Variants in PIGL observed in about 807,000 individuals in gnomAD.
PIGL encodes the protein N-acetylglucosaminyl-phosphatidylinositol de-N-acetylase.
In PIGL, 22 loss-of-function variants were observed where a neutral mutation model predicts 31.1. The ratio of observed to expected loss-of-function variants is 0.71; its 90% confidence interval spans 0.51 to 1.01. The LOEUF is 1.01. Ranked by LOEUF, PIGL falls within the 50% of genes least tolerant of loss-of-function variation. The pLI, the probability that PIGL is intolerant of heterozygous loss-of-function variation, is 0.00. For missense variants in PIGL, 302 were observed against 315.9 expected, an observed-to-expected ratio of 0.96 and a Z score of 0.33; for synonymous variants, 131 against 117.4, an observed-to-expected ratio of 1.12 and a Z score of -0.75.
chr17:16,284,744 A>G (rs149189941), intron 2 of PIGL, among the ~76,000 whole-genome samples: 13 of 152,242 alleles, frequency 8.5e-5, no homozygotes, highest in South Asian at 6.2e-4. Context: ...GCTTCCCCCA[A>G]CCTACCAAGT....
chr17:16,297,639 A>G (rs1470380459), intron 2 of PIGL, among the ~76,000 whole-genome samples: 2 of 152,100 alleles, frequency 1.3e-5, no homozygotes, highest in African/African-American at 4.8e-5. Flanking sequence ...TGTTTTACAC[A>G]CTATATTCAG....
chr17:16,324,636 G>C lies in PIGL; in HGVS notation c.661-1164G>C, dbSNP rs184433264. ...AGCCTCCCAAAGTGCTGGGATTACA[G>C]GCGTGAGCCTCCATACCTGGCAAGT... On this transcript the variant is annotated intron_variant, in intron 6 of 6. Transcript: ENST00000225609. 8.5e-4 allele frequency among the ~76,000 whole-genome samples: 129 copies of C among 152,320 alleles called. 2 individuals are homozygous for C. The East Asian group carries it at 0.022, about 26-fold the overall frequency.
chr17:16,232,987 G>A (rs1258539409), intron 1 of PIGL, among the ~76,000 whole-genome samples: 3 of 151,912 alleles, frequency 2.0e-5, no homozygotes, highest in East Asian at 1.9e-4. Flanking sequence ...GTGTGGTGGC[G>A]GGTGCCTGTA....
chr17:16,322,376 G>A (rs928949922), intron 6 of PIGL, among the ~76,000 whole-genome samples: 3 of 151,274 alleles, frequency 2.0e-5, no homozygotes, highest in African/African-American at 7.3e-5. Flanking sequence ...ATTACAGGCG[G>A]GAGTCACCGC....
At chr17:16,239,671 A>G (rs925314430) in intron 2 of PIGL, among the ~76,000 whole-genome samples, 2 of 152,142 alleles carry the variant, frequency 1.3e-5, no homozygotes, top group Non-Finnish European at 2.9e-5. Context: ...ACTCTAATGA[A>G]AGTATGGATT....
intron 2 of PIGL, among the ~76,000 whole-genome samples, chr17:16,239,178 A>C (rs2092712383): frequency 6.6e-6 from 1 of 151,680 alleles, no homozygotes; most frequent in South Asian, 2.1e-4. Context: ...CTAAAAATTA[A>C]AATGAAAAAT....
At chr17:16,243,986 A>ACG (rs1473422367) in intron 2 of PIGL, among the ~76,000 whole-genome samples, 11 of 152,194 alleles carry the variant, frequency 7.2e-5, no homozygotes. Context: ...TTGGTCAGAG[A>ACG]CGAAATCATG....
At chr17:16,259,517 A>C (rs1003895745) in intron 2 of PIGL, among the ~76,000 whole-genome samples, 13 of 152,166 alleles carry the variant, frequency 8.5e-5, no homozygotes, top group African/African-American at 3.1e-4. Flanking sequence ...ATTCAAAAAA[A>C]CAAAAAGAAA....
At chr17:16,272,665 T>A (rs1320902566) in intron 2 of PIGL, among the ~76,000 whole-genome samples, 1 of 152,192 alleles carries the variant, frequency 6.6e-6, no homozygotes, top group Non-Finnish European at 1.5e-5. Flanking sequence ...TTACTTCCTA[T>A]TTGTGAAATC....
chr17:16,234,638 G>A (rs1482456520), intron 2 of PIGL, among the ~76,000 whole-genome samples: 2 of 152,108 alleles, frequency 1.3e-5, no homozygotes, highest in East Asian at 1.9e-4. Flanking sequence ...ATTGGCCTAC[G>A]CCTGTAATCT....
chr17:16,265,222 T>G (rs2092837328), intron 2 of PIGL, among the ~76,000 whole-genome samples: 2 of 152,256 alleles, frequency 1.3e-5, no homozygotes, highest in African/African-American at 4.8e-5. Flanking sequence ...TAGGGATATA[T>G]GGTAAGGTAA....
chr17:16,297,127 C>G (rs896768276), intron 2 of PIGL, among the ~76,000 whole-genome samples: 2 of 152,140 alleles, frequency 1.3e-5, no homozygotes, highest in Non-Finnish European at 2.9e-5. Flanking sequence ...AAAACTTGAA[C>G]GTGTGACCAA....
At chr17:16,273,737 A>G (rs1306001617) in intron 2 of PIGL, among the ~76,000 whole-genome samples, 1 of 152,206 alleles carries the variant, frequency 6.6e-6, no homozygotes, top group African/African-American at 2.4e-5. Flanking sequence ...AGATGTGTGC[A>G]TTTAGTGACT....
chr17:16,316,620 C>G (rs986098875), intron 4 of PIGL, 61 bp from the exon 5 acceptor site: 2 of 1,523,144 alleles, frequency 1.3e-6, no homozygotes, highest in Non-Finnish European at 1.8e-6. Flanking sequence ...GAAGGCCCCT[C>G]CTGTTACCTA....
At chr17:16,291,905 A>C (rs1600831329) in intron 2 of PIGL, among the ~76,000 whole-genome samples, 2 of 151,968 alleles carry the variant, frequency 1.3e-5, no homozygotes, top group African/African-American at 4.8e-5. Context: ...AGGCAGGAGG[A>C]TCACTTGATA....
In PIGL at chr17:16,234,024, G is replaced by A. The variant is rs1193337531; in HGVS notation, c.289G>A (p.Asp97Asn). ...TAAGAAAGAACTTTTGCAGAGCTGT[G>A]ATGTTTTGGGGATTCCACTCTCCAG... ...TRKKELLQSC[D>N]VLGIPLSSVM... Residue 97 changes from aspartate (D) to asparagine (N), a missense_variant, in exon 2 of 7, where the codon GAT (aspartate) becomes AAT (asparagine). By Grantham distance (23) the Asp-to-Asn change is conservative. Coordinates refer to ENST00000225609, the MANE Select transcript of PIGL (RefSeq NM_004278.4). 2 of 1,608,726 alleles carry A rather than the reference G, an allele frequency of 1.2e-6. No homozygotes were observed. The highest frequency in any genetic ancestry group is 2.7e-5 in the African/African-American group (2 of 74,782).
At chr17:16,299,384 T>C (rs2092995263) in intron 2 of PIGL, among the ~76,000 whole-genome samples, 1 of 148,294 alleles carries the variant, frequency 6.7e-6, no homozygotes, top group African/African-American at 2.5e-5. Context: ...GCAAAGGTTG[T>C]AGTGAGCCGA....
At chr17:16,295,179 G>A (rs375082928) in intron 2 of PIGL, among the ~76,000 whole-genome samples, 1 of 152,010 alleles carries the variant, frequency 6.6e-6, no homozygotes, top group Non-Finnish European at 1.5e-5. Context: ...TGAGGCGGGC[G>A]GATCATCTGA....
intron 1 of PIGL, among the ~76,000 whole-genome samples, chr17:16,232,026 C>T (rs1180135667): frequency 6.6e-6 from 1 of 151,806 alleles, no homozygotes; most frequent in Non-Finnish European, 1.5e-5. Context: ...TCCTGTAATC[C>T]CTTCACTTTG....
Sources: gnomAD v4.1 joint callset for allele counts (sites outside exome capture counted in the v4.1 genomes callset) on GRCh38, gnomAD v4.1.1 for gene constraint, MANE v1.5 for transcripts, NCBI Gene and HGNC (gene_info 2026-07-23, HGNC 2026-07-21) for gene names.